Variants in SUSD6 observed in about 807,000 individuals in gnomAD.
SUSD6 encodes the protein sushi domain containing 6.
A neutral mutation model predicts 28.4 loss-of-function variants in SUSD6; 16 were observed. The observed-to-expected ratio is 0.56, with a 90% CI of 0.38 to 0.86. The LOEUF is 0.86. Among genes scored for constraint, SUSD6 ranks in the 40% least tolerant of loss-of-function variants. SUSD6 has a pLI of 0.00. For synonymous variants in SUSD6, 147 were observed against 159.6 expected, an observed-to-expected ratio of 0.92 and a Z score of 0.59; for missense variants, 341 against 384.2, an observed-to-expected ratio of 0.89 and a Z score of 0.94.
chr14:69,691,216 A>C (rs1334202074), intron 2 of SUSD6, among the ~76,000 whole-genome samples: 1 of 152,136 alleles, frequency 6.6e-6, no homozygotes, highest in African/African-American at 2.4e-5. Flanking sequence ...GGTGGTGTGC[A>C]CCTGTAATCC....
rs575462040 is a variant in SUSD6, at chr14:69,714,164, A to T, written c.*3185A>T. The T allele has an allele frequency of 6.6e-6, 1 of 152,124 alleles. No individual in the cohort carries two copies. The highest frequency in any genetic ancestry group is 1.5e-5 in the Non-Finnish European group (1 of 68,018). The allele number at this position is 152,124 out of a possible 1,614,324, so 9.4% of individuals were successfully genotyped here. On this transcript the variant is annotated 3_prime_UTR_variant, in exon 6 of 6. Coordinates refer to ENST00000342745, the MANE Select transcript of SUSD6 (RefSeq NM_014734.4). Reference sequence around the variant, plus strand: ...CCATTTGCAAACAGATCTTAAGCTAATATTTTCTTTCCCATTCATCTTGCC... The same window carrying T: ...CCATTTGCAAACAGATCTTAAGCTATTATTTTCTTTCCCATTCATCTTGCC...
chr14:69,642,342 G>GT (rs1290473696), intron 1 of SUSD6, among the ~76,000 whole-genome samples: 2 of 152,142 alleles, frequency 1.3e-5, no homozygotes, highest in African/African-American at 4.8e-5. Context: ...AGTGCCCTGT[G>GT]TATTAGAAGA....
At chr14:69,672,603 A>G (rs1407193569) in intron 2 of SUSD6, among the ~76,000 whole-genome samples, 1 of 152,200 alleles carries the variant, frequency 6.6e-6, no homozygotes, top group Non-Finnish European at 1.5e-5. Context: ...GGCACATGGC[A>G]GTGGGAACAC....
chr14:69,618,977 A>T (rs1884997530), intron 1 of SUSD6, among the ~76,000 whole-genome samples: 1 of 152,196 alleles, frequency 6.6e-6, no homozygotes, highest in African/African-American at 2.4e-5. Context: ...GGTTCTTCTT[A>T]TTCTACCTCC....
intron 2 of SUSD6, among the ~76,000 whole-genome samples, chr14:69,664,124 G>A (rs1190306717): frequency 1.3e-5 from 2 of 151,998 alleles, no homozygotes; most frequent in African/African-American, 2.4e-5. Flanking sequence ...TACCACAGGC[G>A]CCCGCCACCA....
In SUSD6 at chr14:69,703,588, C is replaced by T. The variant is rs376643918; in HGVS notation, c.315C>T (p.Asn105=). The T allele has an allele frequency of 1.4e-4, 222 of 1,613,938 alleles. 2 individuals carry two copies. Among genetic ancestry groups the T allele is most frequent in the South Asian group, 7.2e-4 (66 of 91,088 alleles). ...CCATGGAGATTAGCTGCCGTCTCAA[C>T]GAGGGTCAGTCTGGCAGATGAAAAA... ...KPAMEISCRL[N]EDKDTHTSLG... Residue 105 remains asparagine (N), a synonymous_variant, in exon 3 of 6, where the codon AAC becomes AAT. Coordinates refer to ENST00000342745, the MANE Select transcript of SUSD6 (RefSeq NM_014734.4).
chr14:69,655,906 A>C (rs1377899801), intron 1 of SUSD6, among the ~76,000 whole-genome samples: 1 of 151,974 alleles, frequency 6.6e-6, no homozygotes, highest in Non-Finnish European at 1.5e-5. Flanking sequence ...ATCCTCTAAA[A>C]TCCCTGCCAG....
chr14:69,709,077 T>C lies in SUSD6; in HGVS notation c.859T>C (p.Ser287Pro), dbSNP rs1253135501. The C allele has an allele frequency of 2.5e-6, 4 of 1,607,274 alleles. No homozygotes were observed. Among genetic ancestry groups the C allele is most frequent in the Non-Finnish European group, 3.4e-6 (4 of 1,176,700 alleles). The stretch of plus-strand genomic sequence containing the variant: ...GAACAGTGACATACAAAGCCTTTTA[T>C]CCCTCACGTCAGAGGAGTACACAGA... ...SENSDIQSLLSLTSEEYTDDI... is the reference protein window; with the variant it reads ...SENSDIQSLLPLTSEEYTDDI... Residue 287 changes from serine to proline, a missense_variant, in exon 5 of 6, where the codon TCC becomes CCC. By Grantham distance (74) the Ser-to-Pro change is moderately conservative. Transcript: ENST00000342745.
intron 1 of SUSD6, among the ~76,000 whole-genome samples, chr14:69,612,455 C>CT (rs948518168): frequency 1.3e-5 from 2 of 151,926 alleles, no homozygotes; most frequent in African/African-American, 4.8e-5. Flanking sequence ...TACATACAGA[C>CT]TTTCCTTTTT....
At chr14:69,701,415 C>G (rs959206091) in intron 2 of SUSD6, among the ~76,000 whole-genome samples, 2 of 152,068 alleles carry the variant, frequency 1.3e-5, no homozygotes, top group African/African-American at 4.8e-5. Context: ...CCATGGGGTG[C>G]TCAGCATTAA....
chr14:69,709,037 A>T lies in SUSD6; in HGVS notation c.819A>T (p.Glu273Asp), dbSNP rs1206268063. The change falls in exon 5 of 6, where the codon GAA becomes GAT. Residue 273 changes from glutamate to aspartate, a missense_variant. By Grantham distance (45) the Glu-to-Asp change is conservative (BLOSUM62 2). Coordinates refer to ENST00000342745, the MANE Select transcript of SUSD6 (RefSeq NM_014734.4). ...GSGNRQLAHKETADSENSDIQ... is the reference protein window; with the variant it reads ...GSGNRQLAHKDTADSENSDIQ... ...GGAACCGCCAACTGGCACACAAAGA[A>T]ACTGCAGATTCAGAGAACAGTGACA... 7.4e-6 allele frequency: 12 copies of T among 1,613,948 alleles called. No homozygotes were observed. Among genetic ancestry groups the T allele is most frequent in the African/African-American group, 1.3e-5 (1 of 75,036 alleles).
At chr14:69,659,720 T>C (rs142974868) in intron 2 of SUSD6, among the ~76,000 whole-genome samples, 9 of 152,318 alleles carry the variant, frequency 5.9e-5, no homozygotes, top group African/African-American at 2.2e-4. Context: ...GGTTTCACCA[T>C]GTTGGCCAGG....
At chr14:69,678,885 A>T (rs1241298401) in intron 2 of SUSD6, among the ~76,000 whole-genome samples, 1 of 151,802 alleles carries the variant, frequency 6.6e-6, no homozygotes, top group African/African-American at 2.4e-5. Flanking sequence ...ATGTGTCCTA[A>T]GCATGTGTGC....
chr14:69,703,428 G>T lies in SUSD6; in HGVS notation c.155G>T (p.Gly52Val), dbSNP rs1046834489. ...CPLPPEPENGGYICHPRPCRD... is the reference protein window; with the variant it reads ...CPLPPEPENGVYICHPRPCRD... ...CTACCACCGGAGCCAGAGAATGGTG[G>T]CTACATCTGCCACCCCCGGCCCTGC... The change falls in exon 3 of 6, where the codon GGC becomes GTC. Residue 52 changes from glycine to valine, a missense_variant. Transcript: ENST00000342745. The T allele has an allele frequency of 8.1e-6, 13 of 1,613,954 alleles. No individual in the cohort carries two copies. Among genetic ancestry groups the T allele is most frequent in the Non-Finnish European group, 1.1e-5 (13 of 1,180,004 alleles).
intron 2 of SUSD6, among the ~76,000 whole-genome samples, chr14:69,663,488 C>T (rs961342183): frequency 1.7e-4 from 26 of 152,308 alleles, no homozygotes; most frequent in African/African-American, 6.0e-4. Flanking sequence ...TGGCAGGTGG[C>T]CCTGGCTCAC....
chr14:69,682,396 A>T (rs1416770563), intron 2 of SUSD6, among the ~76,000 whole-genome samples: 1 of 152,314 alleles, frequency 6.6e-6, no homozygotes, highest in African/African-American at 2.4e-5. Context: ...AGCCTTGCAT[A>T]TCAAGCAGAA....
chr14:69,652,457 A>AAAAT (rs954776531), intron 1 of SUSD6, among the ~76,000 whole-genome samples: 23 of 152,254 alleles, frequency 1.5e-4, no homozygotes, highest in African/African-American at 4.1e-4. Flanking sequence ...TGTCTCGGAA[A>AAAAT]AAATAAATAA....
At chr14:69,679,433 T>C (rs1885965476) in intron 2 of SUSD6, among the ~76,000 whole-genome samples, 2 of 152,218 alleles carry the variant, frequency 1.3e-5, no homozygotes, top group African/African-American at 4.8e-5. Context: ...TATGGTAATA[T>C]TGATAGGTGT....
chr14:69,684,101 T>TC (rs991609921), intron 2 of SUSD6, among the ~76,000 whole-genome samples: 12 of 152,194 alleles, frequency 7.9e-5, no homozygotes, highest in Admixed American at 7.9e-4. Context: ...AAGTGATGTC[T>TC]CCTAGCGGAC....
Sources: gnomAD v4.1 joint callset for allele counts (sites outside exome capture counted in the v4.1 genomes callset) on GRCh38, gnomAD v4.1.1 for gene constraint, MANE v1.5 for transcripts, NCBI Gene and HGNC (gene_info 2026-07-23, HGNC 2026-07-21) for gene names.